Variants in ESF1 observed in about 807,000 individuals in gnomAD.
ESF1 encodes the protein ESF1 nucleolar pre-rRNA processing protein, also known as ESF1 homolog.
ESF1 carries 58 observed loss-of-function variants against 92.0 expected under a neutral mutation model. The observed-to-expected ratio is 0.63, with a 90% confidence interval of 0.51 to 0.78. ESF1 has a LOEUF of 0.78. Ranked by LOEUF, ESF1 falls within the 30% of genes least tolerant of loss-of-function variation. ESF1 has a pLI of 0.00. For missense variants in ESF1, 922 were observed against 989.1 expected (o/e 0.93, Z 0.91); for synonymous variants, 321 against 313.7 (o/e 1.02, Z -0.24).
chr20:13,728,227 A>G (rs2049914967), intron 11 of ESF1, 151 bp downstream of exon 11: 1 of 561,796 alleles, frequency 1.8e-6, no homozygotes, highest in Non-Finnish European at 3.1e-6. Context: ...CAGATTAATG[A>G]CTGTATGCCA....
At chr20:13,759,616 C>T (rs1010395324) in intron 9 of ESF1, 76 bp downstream of exon 9, 46 of 1,515,008 alleles carry the variant, frequency 3.0e-5, no homozygotes, top group South Asian at 1.3e-4. Context: ...AAAACATTTC[C>T]GGCTCCTTCA....
chr20:13,732,793 C>G (rs2049951821), intron 10 of ESF1, among the ~76,000 whole-genome samples: 1 of 152,150 alleles, frequency 6.6e-6, no homozygotes, highest in African/African-American at 2.4e-5. Flanking sequence ...CCTAAGTGAT[C>G]TGTACTATTA....
intron 9 of ESF1, among the ~76,000 whole-genome samples, chr20:13,753,069 C>T (rs918128600): frequency 1.3e-5 from 2 of 152,124 alleles, no homozygotes; most frequent in Non-Finnish European, 2.9e-5. Context: ...ATCCCTACCA[C>T]TATGAAAGCT....
At chr20:13,772,792 T>C (rs539991755) in intron 4 of ESF1, among the ~76,000 whole-genome samples, 177 bp from the exon 5 acceptor site, 3 of 152,250 alleles carry the variant, frequency 2.0e-5, no homozygotes, top group Admixed American at 1.3e-4. Flanking sequence ...TATTTAAAAA[T>C]AGATCACTTT....
intron 8 of ESF1, among the ~76,000 whole-genome samples, chr20:13,760,631 C>G (rs552369585): frequency 0.014 from 2,059 of 152,014 alleles, 18 homozygotes; most frequent in Non-Finnish European, 0.023. Context: ...AGGAGCGTCT[C>G]CGCCCGGCAG....
intron 5 of ESF1, among the ~76,000 whole-genome samples, chr20:13,772,079 ATAT>A: frequency 6.6e-6 from 1 of 151,510 alleles, no homozygotes; most frequent in African/African-American, 2.4e-5. Context: ...ATTATTTTCT[ATAT>A]TGCACCATGA....
At chr20:13,744,949 T>C (rs951927154) in intron 9 of ESF1, among the ~76,000 whole-genome samples, 3 of 152,208 alleles carry the variant, frequency 2.0e-5, no homozygotes, top group African/African-American at 4.8e-5. Flanking sequence ...GCAGAGCCCA[T>C]TGAAGGCCTG....
At chr20:13,762,854 GTTTTTTTTTTTTTT>G (rs33986564) in intron 8 of ESF1, 4 of 171,736 alleles carry the variant, frequency 2.3e-5, no homozygotes, top group African/African-American at 1.6e-4. Context: ...ATTTATTAAA[GTTTTTTTTTTTTTT>G]TTTTTTTTTT....
rs1979926997 is a variant in ESF1 at position 13,776,096 on chromosome 20, C to T, written c.812G>A (p.Gly271Glu). ...ATCCTCCTCTTCATCATCTTCACTT[C>T]CATCGTCATCACCTGAAGCTCTACC... Reference protein sequence around the residue: ...SVGRASGDDDGSEDDEEEDED... With the variant: ...SVGRASGDDDESEDDEEEDED... Residue 271 changes from glycine (G) to glutamate (E), a missense_variant, in exon 3 of 14, where the codon GGA (glycine) becomes GAA (glutamate). By Grantham distance (98) the Gly-to-Glu change is moderately conservative. Coordinates refer to ENST00000617257, the MANE Select transcript of ESF1 (RefSeq NM_001276380.2). 1 of 1,613,768 alleles carries T rather than the reference C, an allele frequency of 6.2e-7. No homozygotes were observed. The highest frequency in any genetic ancestry group is 1.3e-5 in the African/African-American group (1 of 74,924).
chr20:13,759,554 G>C lies in ESF1; in HGVS notation c.1828+138C>G, dbSNP rs1979058514. The C allele has an allele frequency of 2.6e-6, 3 of 1,139,542 alleles. No homozygotes were observed. In the South Asian group the frequency reaches 5.7e-5, roughly 22 times the overall value. 70.6% of individuals were successfully genotyped at this position (1,139,542 alleles called of 1,614,324 possible). A position where few individuals can be genotyped will look rare whatever the true frequency, so the allele number is the denominator to read the frequency against. ...AAGTTGGTAAGAGTCTAAAATGCTA[G>C]TCATTAAGTTAGTTAAATGGTGTAT... On this transcript the variant is annotated intron_variant, in intron 9 of 13. Coordinates refer to ENST00000617257, the MANE Select transcript of ESF1 (RefSeq NM_001276380.2).
chr20:13,783,896 T>C (rs535183399), intron 1 of ESF1, among the ~76,000 whole-genome samples: 2 of 152,370 alleles, frequency 1.3e-5, no homozygotes, highest in East Asian at 3.9e-4. Context: ...TTCTGCTTAC[T>C]CCTTATCTCC....
At chr20:13,780,575 C>T (rs1349840432) in intron 2 of ESF1, among the ~76,000 whole-genome samples, 3 of 152,154 alleles carry the variant, frequency 2.0e-5, no homozygotes, top group Non-Finnish European at 4.4e-5. Flanking sequence ...TACCTTCTAC[C>T]CTCACAGTGT....
Position 13,775,861 on chromosome 20 carries a change from T to A in ESF1, c.1035+12A>T. 6.3e-7 allele frequency: 1 copy of A among 1,578,050 alleles called. No individual in the cohort carries two copies. Among genetic ancestry groups the A allele is most frequent in the Non-Finnish European group, 8.6e-7 (1 of 1,164,716 alleles). ...GTTTTTCACAAATAATCTTGTTTAT[T>A]CAAAAGGTTACCTCATCAGCACGAG... is the stretch of plus-strand genomic sequence containing the variant. On this transcript the variant is annotated intron_variant, in intron 3 of 13. Coordinates refer to ENST00000617257, the MANE Select transcript of ESF1 (RefSeq NM_001276380.2).
At chr20:13,774,667 T>C (rs369000592) in intron 4 of ESF1, among the ~76,000 whole-genome samples, 7 of 152,338 alleles carry the variant, frequency 4.6e-5, no homozygotes, top group African/African-American at 1.7e-4. Context: ...TCTGCAATAA[T>C]GCAAAGCCTG....
At chr20:13,769,773 G>A (rs879058987) in intron 7 of ESF1, 134 bp downstream of exon 7, 6 of 676,470 alleles carry the variant, frequency 8.9e-6, no homozygotes, top group South Asian at 3.5e-5. Context: ...GTGAGAGAGC[G>A]AGACTCTGTC....
At chr20:13,755,449 A>C (rs1188959994) in intron 9 of ESF1, among the ~76,000 whole-genome samples, 1 of 152,180 alleles carries the variant, frequency 6.6e-6, no homozygotes, top group Non-Finnish European at 1.5e-5. Context: ...GTTAAAACTG[A>C]TTACACTTCA....
In ESF1 at chr20:13,725,326, T is replaced by C. The variant is rs183472398; in HGVS notation, c.2038+3052A>G. ...TGTATCTTAGTAACTTCTTTTCTGT[T>C]GGAACAATCCCAAGGGAAAGAAAAC... On this transcript the variant is annotated intron_variant, in intron 11 of 13. Coordinates refer to ENST00000617257, the MANE Select transcript of ESF1 (RefSeq NM_001276380.2). 1.2e-3 allele frequency among the ~76,000 whole-genome samples: 187 copies of C among 152,322 alleles called. 1 individual carries two copies. Among genetic ancestry groups the C allele is most frequent in the African/African-American group, 4.2e-3 (174 of 41,576 alleles).
chr20:13,738,293 T>C (rs1401055837), intron 9 of ESF1, among the ~76,000 whole-genome samples: 5 of 150,508 alleles, frequency 3.3e-5, no homozygotes, highest in Non-Finnish European at 5.9e-5. Context: ...TTGTATGAAC[T>C]TCTGTAAATC....
chr20:13,760,487 C>G (rs1353832318), intron 8 of ESF1, among the ~76,000 whole-genome samples: 1 of 150,902 alleles, frequency 6.6e-6, no homozygotes, highest in African/African-American at 2.4e-5. Context: ...CCCGGCCGCC[C>G]CATCTGAGAA....
Sources: gnomAD v4.1 joint callset for allele counts (sites outside exome capture counted in the v4.1 genomes callset) on GRCh38, gnomAD v4.1.1 for gene constraint, MANE v1.5 for transcripts, NCBI Gene and HGNC (gene_info 2026-07-23, HGNC 2026-07-21) for gene names.